Variants in NTM observed in about 807,000 individuals in gnomAD.
NTM encodes the protein IgLON family member 2.
A neutral mutation model predicts 42.1 loss-of-function variants in NTM; 13 were observed. The ratio of observed to expected loss-of-function variants is 0.31; its 90% confidence interval spans 0.20 to 0.49. The LOEUF is 0.49. NTM is among the 20% of genes least tolerant of loss of function. The pLI is 0.99. For synonymous variants in NTM, 187 were observed against 179.2 expected, an observed-to-expected ratio of 1.04 and a Z score of -0.35; for missense variants, 373 against 452.8, an observed-to-expected ratio of 0.82 and a Z score of 1.60.
At chr11:132,240,369 A>C (rs1272404604) in intron 4 of NTM, among the ~76,000 whole-genome samples, 1 of 152,214 alleles carries the variant, frequency 6.6e-6, no homozygotes, top group Non-Finnish European at 1.5e-5. Context: ...ATCTAGCAGA[A>C]AGCTCAGAGT....
At chr11:132,019,495 T>G (rs1404982331) in intron 2 of NTM, among the ~76,000 whole-genome samples, 2 of 152,034 alleles carry the variant, frequency 1.3e-5, no homozygotes, top group African/African-American at 4.8e-5. Context: ...GATTGTGCTT[T>G]TAGGTATGCA....
chr11:132,075,299 G>A (rs182505955), intron 2 of NTM, among the ~76,000 whole-genome samples: 6 of 152,234 alleles, frequency 3.9e-5, no homozygotes, highest in Non-Finnish European at 8.8e-5. Context: ...TTGGTTAAGA[G>A]GGTAGAGCTC....
intron 1 of NTM, among the ~76,000 whole-genome samples, chr11:131,686,055 G>A (rs1415382534): frequency 6.6e-6 from 1 of 152,134 alleles, no homozygotes; most frequent in Non-Finnish European, 1.5e-5. Flanking sequence ...AAACAGACAG[G>A]GGCTGATGAG....
chr11:131,558,081 A>G (rs538410812), intron 1 of NTM, among the ~76,000 whole-genome samples: 1 of 152,314 alleles, frequency 6.6e-6, no homozygotes, highest in East Asian at 1.9e-4. Context: ...CTTTTGTGCT[A>G]TGACATTGCT....
chr11:131,496,911 A>G (rs543365473), intron 1 of NTM, among the ~76,000 whole-genome samples: 85 of 152,272 alleles, frequency 5.6e-4, no homozygotes, highest in Non-Finnish European at 8.8e-4. Flanking sequence ...ACAACCAACC[A>G]CAGAACTCAA....
chr11:131,989,585 G>A (rs1184245695), intron 2 of NTM, among the ~76,000 whole-genome samples: 1 of 152,148 alleles, frequency 6.6e-6, no homozygotes, highest in African/African-American at 2.4e-5. Context: ...GGATATCGAA[G>A]TGAAAAGTAG....
At chr11:132,182,509 G>T (rs2077723723) in intron 3 of NTM, among the ~76,000 whole-genome samples, 1 of 152,184 alleles carries the variant, frequency 6.6e-6, no homozygotes, top group South Asian at 2.1e-4. Context: ...AGAACAAATT[G>T]AGGCTGTAGG....
At position 132,252,704 on chromosome 11, in the gene NTM, TC is replaced by T. The variant is rs555871961; in HGVS notation, c.526+40559del. On this transcript the variant is annotated intron_variant, in intron 4 of 8. Transcript: ENST00000683400. ...ATACATGAATACCTGGGTCTTTTTG[TC>T]CTGATATATGGCTGGGTAATCAGAG... 3.6e-3 allele frequency among the ~76,000 whole-genome samples: 546 copies of T among 152,320 alleles called. 2 individuals are homozygous for T. Among genetic ancestry groups the T allele is most frequent in the South Asian group, 0.014 (68 of 4,830 alleles).
chr11:131,524,324 A>G (rs899108861), intron 1 of NTM, among the ~76,000 whole-genome samples: 1 of 152,178 alleles, frequency 6.6e-6, no homozygotes, highest in African/African-American at 2.4e-5. Context: ...GCTCCAAGAG[A>G]CGAAGGTGGG....
chr11:131,746,391 T>G lies in NTM; in HGVS notation c.83-165173T>G, dbSNP rs186738050. On this transcript the variant is annotated intron_variant, in intron 1 of 8. Transcript: ENST00000683400. ...CAATGGGGAGCTCTCCACTGACTTG[T>G]GTGTAGGAAAATGATGTAGCCAAAT... is the stretch of plus-strand genomic sequence containing the variant. 7.2e-5 allele frequency among the ~76,000 whole-genome samples: 11 copies of G among 152,158 alleles called. No individual in the cohort carries two copies. In the East Asian group the frequency reaches 1.9e-3, roughly 27 times the overall value.
intron 1 of NTM, among the ~76,000 whole-genome samples, chr11:131,568,340 CACTG>C (rs2057104696): frequency 6.6e-6 from 1 of 152,206 alleles, no homozygotes; most frequent in Non-Finnish European, 1.5e-5. Flanking sequence ...GAAAGAAACT[CACTG>C]ACCTGTTAAC....
At chr11:132,025,306 G>T (rs1171808115) in intron 2 of NTM, among the ~76,000 whole-genome samples, 1 of 152,230 alleles carries the variant, frequency 6.6e-6, no homozygotes, top group African/African-American at 2.4e-5. Flanking sequence ...CAGGTGGTCA[G>T]TCTGTTCTAC....
At position 132,304,335 on chromosome 11, in the gene NTM, A is replaced by T. The variant is rs116082336; in HGVS notation, c.527-3354A>T. Among the ~76,000 whole-genome samples the T allele has an allele frequency of 6.9e-3, 1,050 of 152,204 alleles. 15 individuals carry two copies. The highest frequency in any genetic ancestry group is 0.024 in the African/African-American group (1,016 of 41,538). On this transcript the variant is annotated intron_variant, in intron 4 of 8. Coordinates refer to ENST00000683400, the MANE Select transcript of NTM (RefSeq NM_001352005.2). ...CCGTGAAGTTTCTTTTCATAGGGTT[A>T]TATCAAGTGGTTTGCCTCTTCCCCA...
chr11:132,055,629 G>A (rs866472960), intron 2 of NTM, among the ~76,000 whole-genome samples: 2 of 150,788 alleles, frequency 1.3e-5, no homozygotes, highest in South Asian at 2.1e-4. Flanking sequence ...AGAGGTGTGT[G>A]TGCGTGTGCA....
intron 3 of NTM, among the ~76,000 whole-genome samples, chr11:132,156,688 A>T (rs183296847): frequency 0.039 from 5,946 of 151,446 alleles, 404 homozygotes; most frequent in African/African-American, 0.14. Flanking sequence ...AAAATGATTC[A>T]TTTTTTTTTC....
chr11:131,410,472 G>T (rs1946263292), intron 1 of NTM, among the ~76,000 whole-genome samples: 1 of 124,816 alleles, frequency 8.0e-6, no homozygotes, highest in Admixed American at 1.0e-4. Flanking sequence ...CAGCCTAGGT[G>T]ACAGAGTGAG....
chr11:132,251,385 C>G (rs758210276), intron 4 of NTM, among the ~76,000 whole-genome samples: 3 of 152,198 alleles, frequency 2.0e-5, no homozygotes, highest in African/African-American at 7.2e-5. Context: ...AGGAAGGAAG[C>G]TTTTGATACT....
intron 1 of NTM, among the ~76,000 whole-genome samples, chr11:131,553,983 C>T (rs2055052055): frequency 6.6e-6 from 1 of 152,186 alleles, no homozygotes; most frequent in South Asian, 2.1e-4. Context: ...ACCTTTGTTC[C>T]TCCTCTTTGC....
chr11:131,387,704 T>C lies in NTM; in HGVS notation c.82+16816T>C, dbSNP rs377419430. Among the ~76,000 whole-genome samples the C allele has an allele frequency of 3.3e-5, 5 of 152,302 alleles. No individual in the cohort carries two copies. In the East Asian group the frequency reaches 7.7e-4, roughly 23 times the overall value. ...CTTGATTTGGCCATTACACATTCTA[T>C]GCATGTAGCAAAATATCACAGGTAC... On this transcript the variant is annotated intron_variant, in intron 1 of 8. Transcript: ENST00000683400.
Sources: gnomAD v4.1 joint callset for allele counts (sites outside exome capture counted in the v4.1 genomes callset) on GRCh38, gnomAD v4.1.1 for gene constraint, MANE v1.5 for transcripts, NCBI Gene and HGNC (gene_info 2026-07-23, HGNC 2026-07-21) for gene names.